Variants in VAV3 observed in about 807,000 individuals in gnomAD.
The protein encoded by VAV3 is vav guanine nucleotide exchange factor 3.
Under a neutral mutation model 131.2 loss-of-function variants are expected in VAV3, and 94 were observed. The observed-to-expected ratio is 0.72, with a 90% CI of 0.61 to 0.85. The LOEUF (loss-of-function observed/expected upper bound fraction) is 0.85, where lower values mean the gene tolerates loss of function less well. Ranked by LOEUF, VAV3 falls within the 40% of genes least tolerant of loss-of-function variation. The pLI is 0.00. For missense variants in VAV3, 939 were observed against 1,002.7 expected (o/e 0.94, Z 0.86); for synonymous variants, 349 against 342.0 (o/e 1.02, Z -0.22).
At chr1:107,800,854 G>A (rs1666796473) in intron 2 of VAV3, among the ~76,000 whole-genome samples, 2 of 151,892 alleles carry the variant, frequency 1.3e-5, no homozygotes, top group Non-Finnish European at 2.9e-5. Context: ...TCTTTGCTTT[G>A]GCTGCCTGTG....
chr1:107,757,097 T>C (rs1664143457), intron 11 of VAV3, among the ~76,000 whole-genome samples, 164 bp downstream of exon 11: 1 of 151,896 alleles, frequency 6.6e-6, no homozygotes, highest in South Asian at 2.1e-4. Flanking sequence ...CATAGGCATG[T>C]CATAATATTT....
intron 1 of VAV3, among the ~76,000 whole-genome samples, chr1:107,930,394 C>T (rs6658984): frequency 0.15 from 22,944 of 151,910 alleles, 1,859 homozygotes; most frequent in South Asian, 0.22. Flanking sequence ...TATAAAGACC[C>T]ACTAGCTCAG....
intron 2 of VAV3, among the ~76,000 whole-genome samples, chr1:107,797,726 G>C (rs113760572): frequency 1.3e-5 from 2 of 152,148 alleles, no homozygotes; most frequent in Admixed American, 1.3e-4. Flanking sequence ...TTTAGGTTGG[G>C]GTAAAAGTTA....
chr1:107,790,366 T>G (rs1666223205), intron 2 of VAV3, among the ~76,000 whole-genome samples: 1 of 152,198 alleles, frequency 6.6e-6, no homozygotes, highest in Admixed American at 6.5e-5. Context: ...AGACATGCAC[T>G]GAGAAAACTG....
rs3040786 is a variant in VAV3 at position 107,612,128 on chromosome 1, T to TTA, written c.1981-2165_1981-2164dup. 8.5e-3 allele frequency among the ~76,000 whole-genome samples: 1,256 copies of TTA among 148,504 alleles called. 14 individuals are homozygous for TTA. Among genetic ancestry groups the TTA allele is most frequent in the African/African-American group, 0.028 (1,128 of 40,516 alleles). ...TTGAGAATATAGTATCCGTACAAAA[T>TTA]TATATATATATATATACACACACAC... On this transcript the variant is annotated intron_variant, in intron 21 of 26. Coordinates refer to ENST00000370056, the MANE Select transcript of VAV3 (RefSeq NM_006113.5).
chr1:107,889,945 G>A (rs1040663135), intron 1 of VAV3, among the ~76,000 whole-genome samples: 10 of 152,162 alleles, frequency 6.6e-5, no homozygotes, highest in Non-Finnish European at 1.3e-4. Context: ...ATCTGGCTGT[G>A]GAAATTAACA....
rs1215873023 is a variant in VAV3 at position 107,947,392 on chromosome 1, A to G, written c.204+17274T>C. ...TAGACAAGCGAAGTTATAGAGTTCT[A>G]AGAGTTCCAAAAGAACTGTGAGGAA... On this transcript the variant is annotated intron_variant, in intron 1 of 26. Transcript: ENST00000370056. Among the ~76,000 whole-genome samples the G allele has an allele frequency of 2.2e-4, 3 of 13,706 alleles. No homozygotes were observed. The Admixed American group carries it at 4.2e-3, about 19-fold the overall frequency. 9.0% of individuals were successfully genotyped at this position (13,706 alleles called of 152,430 possible). A position where few individuals can be genotyped will look rare whatever the true frequency, so the allele number is the denominator to read the frequency against.
chr1:107,783,481 G>A (rs969466430), intron 2 of VAV3, among the ~76,000 whole-genome samples: 2 of 152,148 alleles, frequency 1.3e-5, no homozygotes, highest in Non-Finnish European at 1.5e-5. Context: ...AACCCAGGAT[G>A]ACCTGGGCTA....
chr1:107,799,306 C>T (rs1482467487), intron 2 of VAV3, among the ~76,000 whole-genome samples: 6 of 148,732 alleles, frequency 4.0e-5, no homozygotes, highest in Non-Finnish European at 8.9e-5. Context: ...TTAGTGTTCA[C>T]CTATCAAAAA....
chr1:107,903,693 A>G (rs1414236862), intron 1 of VAV3, among the ~76,000 whole-genome samples: 1 of 152,156 alleles, frequency 6.6e-6, no homozygotes, highest in Non-Finnish European at 1.5e-5. Flanking sequence ...CCTCCCCTTT[A>G]TATTTGTTGA....
intron 20 of VAV3, 24 bp from the exon 21 acceptor site, chr1:107,617,656 G>A (rs1439852250): frequency 6.2e-7 from 1 of 1,601,072 alleles, no homozygotes; most frequent in South Asian, 1.1e-5. Flanking sequence ...AAAAATGCCA[G>A]TGTTGAGAAC....
intron 15 of VAV3, among the ~76,000 whole-genome samples, chr1:107,727,030 C>G (rs79558587): frequency 0.01 from 1,573 of 152,240 alleles, 32 homozygotes; most frequent in African/African-American, 0.034. Context: ...ATCATAACAA[C>G]GGTTGGGTAG....
intron 12 of VAV3, among the ~76,000 whole-genome samples, chr1:107,755,005 C>T (rs1443857469): frequency 2.0e-5 from 3 of 151,972 alleles, no homozygotes; most frequent in Non-Finnish European, 4.4e-5. Flanking sequence ...AAACTGTCTC[C>T]TCAATCTTGA....
At chr1:107,816,341 C>T (rs1667559427) in intron 2 of VAV3, among the ~76,000 whole-genome samples, 1 of 152,158 alleles carries the variant, frequency 6.6e-6, no homozygotes. Flanking sequence ...GCCAATTCCA[C>T]AAAGTGATTT....
At chr1:107,733,422 T>C (rs541785770) in intron 15 of VAV3, among the ~76,000 whole-genome samples, 192 of 152,180 alleles carry the variant, frequency 1.3e-3, no homozygotes, top group African/African-American at 4.2e-3. Flanking sequence ...CTTCAGAAGG[T>C]TGGTAATAAC....
chr1:107,909,472 C>T (rs980823542), intron 1 of VAV3, among the ~76,000 whole-genome samples: 2 of 152,092 alleles, frequency 1.3e-5, no homozygotes, highest in African/African-American at 4.8e-5. Flanking sequence ...CACAATTTTT[C>T]CCGAGCTTTA....
chr1:107,764,311 C>T (rs1664612618), intron 9 of VAV3, among the ~76,000 whole-genome samples: 1 of 69,148 alleles, frequency 1.4e-5, no homozygotes, highest in South Asian at 3.3e-4. Context: ...CTTTGGTGAC[C>T]TAACTCAAAT....
At chr1:107,742,883 G>C (rs540186227) in intron 15 of VAV3, among the ~76,000 whole-genome samples, 2 of 152,276 alleles carry the variant, frequency 1.3e-5, no homozygotes, top group East Asian at 1.9e-4. Flanking sequence ...ATATAGAAAA[G>C]GTGGTATTAC....
At chr1:107,874,081 C>G (rs1021152142) in intron 2 of VAV3, among the ~76,000 whole-genome samples, 1 of 152,174 alleles carries the variant, frequency 6.6e-6, no homozygotes, top group African/African-American at 2.4e-5. Flanking sequence ...GGACAAACTT[C>G]TCAATAGCAT....
Sources: gnomAD v4.1 joint callset for allele counts (sites outside exome capture counted in the v4.1 genomes callset) on GRCh38, gnomAD v4.1.1 for gene constraint, MANE v1.5 for transcripts, NCBI Gene and HGNC (gene_info 2026-07-23, HGNC 2026-07-21) for gene names.